The following COQ3 variants were observed in gnomAD, a reference collection of about 807,000 sequenced individuals.
COQ3 encodes the protein coenzyme Q3, methyltransferase, also known as ubiquinone biosynthesis O-methyltransferase, mitochondrial.
A neutral mutation model predicts 33.1 loss-of-function variants in COQ3; 29 were observed. The ratio of observed to expected loss-of-function variants is 0.88; its 90% confidence interval spans 0.65 to 1.19. COQ3 has a LOEUF of 1.19. COQ3 is among the 50% of genes most tolerant of loss of function. The pLI is 0.00. For synonymous variants in COQ3, 173 were observed against 157.8 expected (o/e 1.10, Z -0.72); for missense variants, 437 against 430.7 (o/e 1.01, Z -0.13).
chr6:99,375,376 C>A (rs1409685864), intron 5 of COQ3, among the ~76,000 whole-genome samples: 1 of 150,966 alleles, frequency 6.6e-6, no homozygotes, highest in Non-Finnish European at 1.5e-5. Flanking sequence ...TGTTCAGCAC[C>A]AATATTTTTC....
intron 1 of COQ3, among the ~76,000 whole-genome samples, chr6:99,389,235 G>A (rs1267393553): frequency 6.6e-6 from 1 of 152,082 alleles, no homozygotes; most frequent in Non-Finnish European, 1.5e-5. Context: ...TGATTATCCA[G>A]CTCAGCCTCC....
Position 99,369,787 on chromosome 6 carries a change from A to G in COQ3, c.923T>C (p.Leu308Pro). The change falls in exon 7 of 7, where the codon CTC (leucine) becomes CCC (proline). Residue 308 changes from leucine to proline, a missense_variant. Leu to Pro is a moderately conservative substitution (Grantham distance 98). Coordinates refer to ENST00000254759, the MANE Select transcript of COQ3 (RefSeq NM_017421.4). Reference sequence around the variant, plus strand: ...CCAGTAACCTGAGAAGGGGTTATAGAGCATTCCTACCACTGTTTGAACTGA... The same window carrying G: ...CCAGTAACCTGAGAAGGGGTTATAGGGCATTCCTACCACTGTTTGAACTGA... Reference protein sequence around the residue: ...GLSVQTVVGMLYNPFSGYWHW... With the variant: ...GLSVQTVVGMPYNPFSGYWHW... The G allele has an allele frequency of 6.2e-7, 1 of 1,612,196 alleles. No individual in the cohort carries two copies. Among genetic ancestry groups the G allele is most frequent in the Middle Eastern group, 1.7e-4 (1 of 5,932 alleles).
chr6:99,374,013 CAG>C (rs986168672), intron 5 of COQ3, among the ~76,000 whole-genome samples: 12 of 146,126 alleles, frequency 8.2e-5, no homozygotes, highest in African/African-American at 3.1e-4. Flanking sequence ...TCAAGAAAAA[CAG>C]AGGAAACACC....
intron 3 of COQ3, among the ~76,000 whole-genome samples, chr6:99,379,423 A>G (rs192402885): frequency 5.1e-4 from 78 of 152,286 alleles, no homozygotes; most frequent in Non-Finnish European, 8.8e-4. Context: ...AAGCACAAAG[A>G]TTATGTTTCA....
At chr6:99,378,630 T>A (rs774045740) in intron 3 of COQ3, among the ~76,000 whole-genome samples, 3 of 152,174 alleles carry the variant, frequency 2.0e-5, no homozygotes, top group Non-Finnish European at 4.4e-5. Context: ...AGGTCCCTGA[T>A]GAGACGTGAT....
At chr6:99,387,917 C>A (rs1562209668) in intron 1 of COQ3, among the ~76,000 whole-genome samples, 1 of 152,180 alleles carries the variant, frequency 6.6e-6, no homozygotes, top group Non-Finnish European at 1.5e-5. Context: ...GTAATCCCAG[C>A]ACTTTGGGAG....
intron 2 of COQ3, among the ~76,000 whole-genome samples, chr6:99,381,154 T>C (rs984333007): frequency 1.3e-5 from 2 of 152,136 alleles, no homozygotes. Context: ...CTGCCATAAT[T>C]CTAACGCAAG....
chr6:99,381,914 A>G (rs1774483780), intron 2 of COQ3, among the ~76,000 whole-genome samples: 2 of 144,588 alleles, frequency 1.4e-5, no homozygotes, highest in Admixed American at 1.4e-4. Flanking sequence ...TGAAAGAGCA[A>G]GACTCTGTCT....
intron 1 of COQ3, among the ~76,000 whole-genome samples, chr6:99,386,062 G>A (rs565414497): frequency 2.3e-4 from 35 of 150,292 alleles, no homozygotes; most frequent in Non-Finnish European, 3.5e-4. Context: ...TCTAAGTTTC[G>A]ACCTCAAGAA....
chr6:99,386,413 G>T (rs1774656808), intron 1 of COQ3, among the ~76,000 whole-genome samples: 1 of 152,146 alleles, frequency 6.6e-6, no homozygotes, highest in African/African-American at 2.4e-5. Flanking sequence ...CTGGGTGACA[G>T]AGTGAGACTC....
Position 99,376,066 on chromosome 6 carries a change from T to C in COQ3, c.603A>G (p.Arg201=). 6.2e-7 allele frequency: 1 copy of C among 1,614,128 alleles called. No homozygotes were observed. Among genetic ancestry groups the C allele is most frequent in the Non-Finnish European group, 8.5e-7 (1 of 1,180,008 alleles). The change falls in exon 5 of 7, where the codon AGA becomes AGG. Residue 201 remains arginine (R), a synonymous_variant. Transcript: ENST00000254759. The part of the protein sequence containing the change: ...DPVLDKRIEY[R]VCSLEEIVEE... ...CCACAATCTCTTCCAGGGAACACAC[T>C]CTGTACTCTATTCTCTTATCCAGGA...
chr6:99,393,816 G>C (rs1176950797), intron 1 of COQ3, among the ~76,000 whole-genome samples: 1 of 152,244 alleles, frequency 6.6e-6, no homozygotes, highest in Non-Finnish European at 1.5e-5. Flanking sequence ...CCTGGGGCAA[G>C]GAGCTCAGCC....
intron 4 of COQ3, 54 bp from the exon 5 acceptor site, chr6:99,376,236 G>A: frequency 1.3e-6 from 2 of 1,558,502 alleles, no homozygotes; most frequent in Non-Finnish European, 1.7e-6. Context: ...GCACATGTTA[G>A]CAATAAAAAG....
intron 1 of COQ3, among the ~76,000 whole-genome samples, chr6:99,385,268 AAAG>A (rs1469102176): frequency 6.6e-6 from 1 of 152,246 alleles, no homozygotes; most frequent in Middle Eastern, 3.2e-3. Context: ...CAGCAGGGAT[AAAG>A]AAGAACAGAA....
chr6:99,380,151 G>C, intron 3 of COQ3, 38 bp downstream of exon 3: 1 of 1,569,414 alleles, frequency 6.4e-7, no homozygotes, highest in African/African-American at 1.4e-5. Context: ...TTCTTAAAAA[G>C]TTCCATTTAA....
At position 99,369,795 on chromosome 6, in the gene COQ3, T is replaced by C. The variant is rs148273048; in HGVS notation, c.915A>G (p.Val305=). The C allele has an allele frequency of 1.6e-3, 2,526 of 1,608,484 alleles. 7 individuals are homozygous for C. The highest frequency in any genetic ancestry group is 2.0e-3 in the Non-Finnish European group (2,347 of 1,176,366). Residue 305 remains valine, a synonymous_variant, in exon 7 of 7, where the codon GTA becomes GTG. Coordinates refer to ENST00000254759, the MANE Select transcript of COQ3 (RefSeq NM_017421.4). Reference sequence around the variant, plus strand: ...CTGAGAAGGGGTTATAGAGCATTCCTACCACTGTTTGAACTGACAGACCAT... The same window carrying C: ...CTGAGAAGGGGTTATAGAGCATTCCCACCACTGTTTGAACTGACAGACCAT... The part of the protein sequence containing the change: ...ESNGLSVQTV[V]GMLYNPFSGY...
intron 1 of COQ3, 77 bp from the exon 2 acceptor site, chr6:99,383,901 T>C: frequency 8.9e-7 from 1 of 1,120,470 alleles, no homozygotes; most frequent in East Asian, 2.8e-5. Context: ...TTGAAGATTC[T>C]ATTTTATTTT....
chr6:99,375,390 T>G (rs1012744428), intron 5 of COQ3, among the ~76,000 whole-genome samples: 1 of 151,278 alleles, frequency 6.6e-6, no homozygotes, highest in Admixed American at 6.6e-5. Flanking sequence ...ATTTTTCTTT[T>G]TTTTTTTTTT....
intron 3 of COQ3, among the ~76,000 whole-genome samples, chr6:99,379,802 T>A (rs1167012942): frequency 6.6e-6 from 1 of 150,914 alleles, no homozygotes; most frequent in East Asian, 2.0e-4. Context: ...TTGGAGTGAA[T>A]CAAGACGGTG....
Sources: gnomAD v4.1 joint callset for allele counts (sites outside exome capture counted in the v4.1 genomes callset) on GRCh38, gnomAD v4.1.1 for gene constraint, MANE v1.5 for transcripts, NCBI Gene and HGNC (gene_info 2026-07-23, HGNC 2026-07-21) for gene names.